CNTNAP2: variants seen among roughly 807,000 people sequenced by gnomAD.
CNTNAP2 encodes contactin associated protein 2, also known as contactin-associated protein-like 2.
CNTNAP2 carries 98 observed loss-of-function variants against 155.2 expected under a neutral mutation model. The observed-to-expected ratio is 0.63, with a 90% CI of 0.54 to 0.75. CNTNAP2 has a LOEUF of 0.75. Among genes scored for constraint, CNTNAP2 ranks in the 30% least tolerant of loss-of-function variants. CNTNAP2 has a pLI of 0.00. For synonymous variants in CNTNAP2, 651 were observed against 631.2 expected, an observed-to-expected ratio of 1.03 and a Z score of -0.47; for missense variants, 1,727 against 1,688.1, an observed-to-expected ratio of 1.02 and a Z score of -0.40.
At chr7:146,804,938 C>T (rs1802941528) in intron 2 of CNTNAP2, among the ~76,000 whole-genome samples, 1 of 152,176 alleles carries the variant, frequency 6.6e-6, no homozygotes, top group Non-Finnish European at 1.5e-5. Context: ...TCTTAATTCT[C>T]ATACCTTTTC....
chr7:148,184,972 C>T (rs1795093907), intron 18 of CNTNAP2, among the ~76,000 whole-genome samples: 1 of 152,124 alleles, frequency 6.6e-6, no homozygotes, highest in Non-Finnish European at 1.5e-5. Context: ...CACTGAAAGC[C>T]TCTTTAGTGA....
At chr7:146,511,374 AAGG>A (rs1399965350) in intron 1 of CNTNAP2, among the ~76,000 whole-genome samples, 3 of 152,216 alleles carry the variant, frequency 2.0e-5, no homozygotes, top group Non-Finnish European at 4.4e-5. Flanking sequence ...CCAGATCTCA[AAGG>A]AAAGGGTTTC....
chr7:146,352,986 C>T (rs1175910704), intron 1 of CNTNAP2, among the ~76,000 whole-genome samples: 1 of 151,828 alleles, frequency 6.6e-6, no homozygotes, highest in Non-Finnish European at 1.5e-5. Context: ...GATCTCCTGA[C>T]CTCGTGATCT....
intron 1 of CNTNAP2, among the ~76,000 whole-genome samples, chr7:146,559,640 G>A (rs1056746826): frequency 4.0e-5 from 6 of 151,868 alleles, no homozygotes; most frequent in Middle Eastern, 3.2e-3. Flanking sequence ...TATGAATAAG[G>A]CATTTATAAA....
intron 9 of CNTNAP2, among the ~76,000 whole-genome samples, chr7:147,349,695 T>C (rs1176380377): frequency 6.6e-6 from 1 of 151,980 alleles, no homozygotes; most frequent in Non-Finnish European, 1.5e-5. Flanking sequence ...TTATTGGAAC[T>C]CAGAGCTGAT....
chr7:147,884,897 T>C (rs17236183), intron 13 of CNTNAP2, among the ~76,000 whole-genome samples: 42,335 of 150,232 alleles, frequency 0.28, 6,871 homozygotes, highest in Middle Eastern at 0.4. Context: ...GCCAGTTTGA[T>C]GTGTTATAAA....
chr7:146,371,424 A>G (rs1320147225), intron 1 of CNTNAP2, among the ~76,000 whole-genome samples: 1 of 129,388 alleles, frequency 7.7e-6, no homozygotes, highest in Non-Finnish European at 1.5e-5. Context: ...GCTGGAGTGC[A>G]GTGGCATGAT....
chr7:147,888,813 AT>A (rs1799640443), intron 13 of CNTNAP2, among the ~76,000 whole-genome samples: 1 of 39,868 alleles, frequency 2.5e-5, no homozygotes, highest in African/African-American at 8.8e-5. Flanking sequence ...TTAGGACAAA[AT>A]AATGATAACA....
At chr7:147,065,131 C>A (rs542644491) in intron 4 of CNTNAP2, among the ~76,000 whole-genome samples, 7 of 152,142 alleles carry the variant, frequency 4.6e-5, no homozygotes, top group Non-Finnish European at 7.4e-5. Context: ...TCCAGCTCTT[C>A]CCTTATTAGC....
chr7:147,942,712 C>T (rs1800746879), intron 14 of CNTNAP2, among the ~76,000 whole-genome samples: 1 of 152,110 alleles, frequency 6.6e-6, no homozygotes, highest in South Asian at 2.1e-4. Flanking sequence ...ATTTCCCAGC[C>T]TTCAAGTATG....
At chr7:147,520,701 G>C (rs150837555) in intron 11 of CNTNAP2, among the ~76,000 whole-genome samples, 1 of 152,124 alleles carries the variant, frequency 6.6e-6, no homozygotes, top group Non-Finnish European at 1.5e-5. Flanking sequence ...AATGAGTGTC[G>C]TTATAGAAAA....
intron 11 of CNTNAP2, among the ~76,000 whole-genome samples, chr7:147,531,727 A>AT (rs200966506): frequency 0.18 from 27,652 of 151,894 alleles, 2,704 homozygotes; most frequent in Admixed American, 0.25. Context: ...GGTCTTGGGG[A>AT]TAACATTAGG....
chr7:147,848,951 C>A (rs1798870190), intron 13 of CNTNAP2, among the ~76,000 whole-genome samples: 1 of 151,894 alleles, frequency 6.6e-6, no homozygotes, highest in Non-Finnish European at 1.5e-5. Flanking sequence ...GCCTTAACAT[C>A]TCCATATTAG....
At chr7:146,567,869 C>T (rs1487776185) in intron 1 of CNTNAP2, among the ~76,000 whole-genome samples, 30 of 152,194 alleles carry the variant, frequency 2.0e-4, no homozygotes, top group African/African-American at 6.3e-4. Context: ...TACAGGCGCC[C>T]GCCACCACGC....
At chr7:146,630,766 C>A (rs1799497836) in intron 1 of CNTNAP2, among the ~76,000 whole-genome samples, 1 of 151,884 alleles carries the variant, frequency 6.6e-6, no homozygotes, top group Non-Finnish European at 1.5e-5. Context: ...TTCCCATGTA[C>A]CAACAATAGA....
At chr7:146,529,270 G>A (rs1177853158) in intron 1 of CNTNAP2, among the ~76,000 whole-genome samples, 2 of 152,072 alleles carry the variant, frequency 1.3e-5, no homozygotes, top group Non-Finnish European at 2.9e-5. Context: ...AAAAATATAT[G>A]AAAGTAAAAG....
chr7:146,717,343 A>C (rs1237929927), intron 1 of CNTNAP2, among the ~76,000 whole-genome samples: 1 of 130,588 alleles, frequency 7.7e-6, no homozygotes, highest in African/African-American at 4.5e-5. Context: ...TCTCTACTAA[A>C]AAATTAAAAA....
intron 17 of CNTNAP2, among the ~76,000 whole-genome samples, chr7:148,161,467 T>G (rs755727724): frequency 6.6e-6 from 1 of 152,138 alleles, no homozygotes; most frequent in Non-Finnish European, 1.5e-5. Flanking sequence ...AAAGAAAAAC[T>G]CCTGCCTCAG....
At chr7:147,034,693 G>A (rs2129251514) in intron 3 of CNTNAP2, among the ~76,000 whole-genome samples, 1 of 152,224 alleles carries the variant, frequency 6.6e-6, no homozygotes, top group African/African-American at 2.4e-5. Context: ...GAGGTGGATG[G>A]GGAGGTCAGA....
Sources: gnomAD v4.1 joint callset for allele counts (sites outside exome capture counted in the v4.1 genomes callset) on GRCh38, gnomAD v4.1.1 for gene constraint, MANE v1.5 for transcripts, NCBI Gene and HGNC (gene_info 2026-07-23, HGNC 2026-07-21) for gene names.